The following RLN3 variants were observed in gnomAD, a reference collection of about 807,000 sequenced individuals.
RLN3 encodes relaxin-3.
RLN3 carries 13 observed loss-of-function variants against 10.2 expected under a neutral mutation model. The ratio of observed to expected loss-of-function variants is 1.28; its 90% confidence interval spans 0.83 to 2.03. RLN3 has a LOEUF of 2.03. RLN3 is among the 30% of genes most tolerant of loss of function. RLN3 has a pLI of 0.00. For synonymous variants in RLN3, 56 were observed against 79.2 expected, an observed-to-expected ratio of 0.71 and a Z score of 1.56; for missense variants, 191 against 187.2, an observed-to-expected ratio of 1.02 and a Z score of -0.12.
Position 14,028,310 on chromosome 19 carries a change from G to A in RLN3, c.106G>A (p.Gly36Ser), listed in dbSNP as rs141631429. The A allele has an allele frequency of 5.6e-6, 9 of 1,613,876 alleles. No individual in the cohort carries two copies. The highest frequency in any genetic ancestry group is 2.2e-5 in the East Asian group (1 of 44,884). The change falls in exon 1 of 2, where the codon GGC (glycine) becomes AGC (serine). Residue 36 changes from glycine (G) to serine (S), a missense_variant. By Grantham distance (56) the Gly-to-Ser change is moderately conservative. Coordinates refer to ENST00000431365, the MANE Select transcript of RLN3 (RefSeq NM_080864.4). ...RAAPYGVRLC[G>S]REFIRAVIFT... is the part of the protein sequence containing the mutation. ...AGCGCCTTACGGGGTCAGGCTTTGC[G>A]GCCGAGAATTCATCCGAGCAGTCAT...
rs752292464 is a variant in RLN3, at chr19:14,030,874, G to C, written c.355G>C (p.Asp119His). ...GTPGVLRGSR[D>H]VLAGLSSSCC... ...CCCTGGGGTTCTTCGGGGCAGCCGAGATGTCCTGGCTGGCCTTTCCAGCAG... is the reference window on the plus strand; with the variant it reads ...CCCTGGGGTTCTTCGGGGCAGCCGACATGTCCTGGCTGGCCTTTCCAGCAG... Residue 119 changes from aspartate (D) to histidine (H), a missense_variant, in exon 2 of 2, where the codon GAT becomes CAT. Coordinates refer to ENST00000431365, the MANE Select transcript of RLN3 (RefSeq NM_080864.4). 1.4e-5 allele frequency: 22 copies of C among 1,610,494 alleles called. No individual in the cohort carries two copies. The Admixed American group carries it at 3.3e-4, about 24-fold the overall frequency.
Position 14,031,275 on chromosome 19 carries a change from C to T in RLN3, c.*327C>T. Reference sequence around the variant, plus strand: ...CACACTCCACTGCCACAACTGGGTCCCTACTCTACCTAGGCTGGCCACACA... The same window carrying T: ...CACACTCCACTGCCACAACTGGGTCTCTACTCTACCTAGGCTGGCCACACA... On this transcript the variant is annotated 3_prime_UTR_variant, in exon 2 of 2. Transcript: ENST00000431365. 1 of 300,692 alleles carries T rather than the reference C, an allele frequency of 3.3e-6. No individual in the cohort carries two copies. Among genetic ancestry groups the T allele is most frequent in the Non-Finnish European group, 6.2e-6 (1 of 161,182 alleles). The allele number at this position is 300,692 out of a possible 1,614,324, so 18.6% of individuals were successfully genotyped here. A position where few individuals can be genotyped will look rare whatever the true frequency, so the allele number is the denominator to read the frequency against.
Position 14,028,267 on chromosome 19 carries a change from G to A in RLN3, c.63G>A (p.Pro21=), listed in dbSNP as rs1310347896. 8.1e-6 allele frequency: 13 copies of A among 1,613,198 alleles called. No individual in the cohort carries two copies. The highest frequency in any genetic ancestry group is 2.2e-5 in the East Asian group (1 of 44,854). ...GGGTGCTGACCGGGGAGCTGTGGCCGGGAGCTGAGGCCCGGGCAGCGCCTT... is the reference window on the plus strand; with the variant it reads ...GGGTGCTGACCGGGGAGCTGTGGCCAGGAGCTGAGGCCCGGGCAGCGCCTT... ...AVWVLTGELW[P]GAEARAAPYG... is the part of the protein sequence containing the mutation. Residue 21 remains proline (P), a synonymous_variant, in exon 1 of 2, where the codon CCG becomes CCA. Coordinates refer to ENST00000431365, the MANE Select transcript of RLN3 (RefSeq NM_080864.4).
intron 1 of RLN3, among the ~76,000 whole-genome samples, chr19:14,029,459 C>A (rs536361467): frequency 6.6e-6 from 1 of 151,470 alleles, no homozygotes; most frequent in Non-Finnish European, 1.5e-5. Flanking sequence ...TCAAGCGATT[C>A]TCGTGCCTCC....
chr19:14,028,335 T>C lies in RLN3; in HGVS notation c.131T>C (p.Ile44Thr), dbSNP rs1975747295. 2 of 1,613,758 alleles carry C rather than the reference T, an allele frequency of 1.2e-6. No individual in the cohort carries two copies. The highest frequency in any genetic ancestry group is 1.7e-6 in the Non-Finnish European group (2 of 1,179,936). ...GGCCGAGAATTCATCCGAGCAGTCA[T>C]CTTCACCTGCGGGGGCTCCCGGTGG... Reference protein sequence around the residue: ...LCGREFIRAVIFTCGGSRWRR... With the variant: ...LCGREFIRAVTFTCGGSRWRR... The change falls in exon 1 of 2, where the codon ATC (isoleucine) becomes ACC (threonine). Residue 44 changes from isoleucine to threonine, a missense_variant. By Grantham distance (89) the Ile-to-Thr change is moderately conservative. Coordinates refer to ENST00000431365, the MANE Select transcript of RLN3 (RefSeq NM_080864.4).
At position 14,030,355 on chromosome 19, in the gene RLN3, G is replaced by A. The variant is rs1363406102; in HGVS notation, c.191-355G>A. 5 of 699,534 alleles carry A rather than the reference G, an allele frequency of 7.1e-6. No homozygotes were observed. In the South Asian group the frequency reaches 7.4e-5, roughly 10 times the overall value. The allele number at this position is 699,534 out of a possible 1,614,324, so 43.3% of individuals were successfully genotyped here. A position where few individuals can be genotyped will look rare whatever the true frequency, so the allele number is the denominator to read the frequency against. On this transcript the variant is annotated intron_variant, in intron 1 of 1. Transcript: ENST00000431365. ...ATGTACCAGGTCCTCAATTAATAAA[G>A]AGTAAGGAGAAATAAATGACAGGGC... is the stretch of plus-strand genomic sequence containing the variant.
rs1470591365 is a variant in RLN3 at position 14,031,028 on chromosome 19, C to T, written c.*80C>T. On this transcript the variant is annotated 3_prime_UTR_variant, in exon 2 of 2. Coordinates refer to ENST00000431365, the MANE Select transcript of RLN3 (RefSeq NM_080864.4). ...ACTCAACTAGTGTCTGGCTGGGCAC[C>T]TGTCTTTCGAGCCTCACACATTCAT... 3 of 1,006,582 alleles carry T rather than the reference C, an allele frequency of 3.0e-6. No individual in the cohort carries two copies. The highest frequency in any genetic ancestry group is 3.0e-6 in the Non-Finnish European group (2 of 671,262). The allele number at this position is 1,006,582 out of a possible 1,614,324, so 62.4% of individuals were successfully genotyped here.
Position 14,028,367 on chromosome 19 carries a change from T to G in RLN3, c.163T>G (p.Ser55Ala). 6.2e-7 allele frequency: 1 copy of G among 1,612,518 alleles called. No homozygotes were observed. Among genetic ancestry groups the G allele is most frequent in the Non-Finnish European group, 8.5e-7 (1 of 1,179,326 alleles). The change falls in exon 1 of 2, where the codon TCA becomes GCA. Residue 55 changes from serine (S) to alanine (A), a missense_variant. By Grantham distance (99) the Ser-to-Ala change is moderately conservative. Coordinates refer to ENST00000431365, the MANE Select transcript of RLN3 (RefSeq NM_080864.4). ...CTGCGGGGGCTCCCGGTGGAGACGA[T>G]CAGACATCCTGGCCCACGAGGCTAT... ...FTCGGSRWRR[S>A]DILAHEAMGD...
chr19:14,030,353 A>AAG, intron 1 of RLN3: 1 of 702,122 alleles, frequency 1.4e-6, no homozygotes, highest in Non-Finnish European at 2.6e-6. Context: ...TCAATTAATA[A>AAG]AGAGTAAGGA....
intron 1 of RLN3, among the ~76,000 whole-genome samples, chr19:14,029,660 C>T (rs922927920): frequency 2.0e-5 from 3 of 151,814 alleles, no homozygotes; most frequent in African/African-American, 7.3e-5. Flanking sequence ...CATGCAAATT[C>T]TTTACTGAGT....
intron 1 of RLN3, among the ~76,000 whole-genome samples, chr19:14,029,297 A>C (rs1975762369): frequency 6.6e-6 from 1 of 151,856 alleles, no homozygotes. Flanking sequence ...TAGAAGACAC[A>C]CCACTTGGAT....
At chr19:14,030,286 C>T (rs774925122) in intron 1 of RLN3, 28 of 702,762 alleles carry the variant, frequency 4.0e-5, no homozygotes, top group South Asian at 2.8e-4. Flanking sequence ...TACTTGCTCA[C>T]GATTAGAGAA....
chr19:14,030,975 C>A lies in RLN3; in HGVS notation c.*27C>A. 1 of 1,454,512 alleles carries A rather than the reference C, an allele frequency of 6.9e-7. No individual in the cohort carries two copies. Among genetic ancestry groups the A allele is most frequent in the Non-Finnish European group, 9.4e-7 (1 of 1,068,748 alleles). The allele number at this position is 1,454,512 out of a possible 1,614,324, so 90.1% of individuals were successfully genotyped here. ...TTGAGGGCTGGGCAGCCGTGGGCAC[C>A]AGGACCAATGCCCCAGTCCTGCCAT... On this transcript the variant is annotated 3_prime_UTR_variant, in exon 2 of 2. Transcript: ENST00000431365.
At chr19:14,029,701 G>A (rs1006022797) in intron 1 of RLN3, among the ~76,000 whole-genome samples, 8 of 151,686 alleles carry the variant, frequency 5.3e-5, no homozygotes, top group Non-Finnish European at 7.4e-5. Flanking sequence ...TGGAAAATAC[G>A]GGTGATAACT....
Position 14,029,806 on chromosome 19 carries a change from AATTATT to A in RLN3, c.191-873_191-868del, listed in dbSNP as rs58482695. ...TTTGACACAAAGTAAGTGATCAATA[AATTATT>A]ATTATTATTATTATTATTATTATTA... On this transcript the variant is annotated intron_variant, in intron 1 of 1. Transcript: ENST00000431365. Among the ~76,000 whole-genome samples, 310 of 142,262 alleles carry A rather than the reference AATTATT, an allele frequency of 2.2e-3. 2 individuals are homozygous for A. The highest frequency in any genetic ancestry group is 7.4e-3 in the Middle Eastern group (2 of 270). The allele number at this position is 142,262 out of a possible 152,430, so 93.3% of individuals were successfully genotyped here. A position where few individuals can be genotyped will look rare whatever the true frequency, so the allele number is the denominator to read the frequency against.
At position 14,028,343 on chromosome 19, in the gene RLN3, T is replaced by C. The variant is rs1012649066; in HGVS notation, c.139T>C (p.Cys47Arg). 6.2e-7 allele frequency: 1 copy of C among 1,613,318 alleles called. No homozygotes were observed. The highest frequency in any genetic ancestry group is 1.3e-5 in the African/African-American group (1 of 74,730). ...REFIRAVIFT[C>R]GGSRWRRSDI... ...ATTCATCCGAGCAGTCATCTTCACC[T>C]GCGGGGGCTCCCGGTGGAGACGATC... The change falls in exon 1 of 2, where the codon TGC becomes CGC. Residue 47 changes from cysteine (C) to arginine (R), a missense_variant. Physicochemically the swap from Cys to Arg is radical, Grantham distance 180 (BLOSUM62 -3). Coordinates refer to ENST00000431365, the MANE Select transcript of RLN3 (RefSeq NM_080864.4).
chr19:14,030,473 A>G (rs1975782688), intron 1 of RLN3: 7 of 660,080 alleles, frequency 1.1e-5, no homozygotes, highest in East Asian at 2.7e-5. Context: ...CAGCCTGAAC[A>G]ACATGGTGAA....
chr19:14,030,397 C>G, intron 1 of RLN3: 1 of 700,598 alleles, frequency 1.4e-6, no homozygotes, highest in East Asian at 2.7e-5. Context: ...CGGTGGCTCA[C>G]GCCTGTAATC....
At chr19:14,030,149 T>G (rs1354592837) in intron 1 of RLN3, 2 of 621,622 alleles carry the variant, frequency 3.2e-6, no homozygotes, top group African/African-American at 3.7e-5. Flanking sequence ...GTGCTCATCA[T>G]GTTCCAGACA....
Sources: gnomAD v4.1 joint callset for allele counts (sites outside exome capture counted in the v4.1 genomes callset) on GRCh38, gnomAD v4.1.1 for gene constraint, MANE v1.5 for transcripts, NCBI Gene and HGNC (gene_info 2026-07-23, HGNC 2026-07-21) for gene names.